The following ADGRL3 variants were observed in gnomAD, a reference collection of about 807,000 sequenced individuals.
The protein encoded by ADGRL3 is calcium-independent alpha-latrotoxin receptor 3.
ADGRL3 carries 62 observed loss-of-function variants against 153.5 expected under a neutral mutation model. The observed-to-expected ratio is 0.40, with a 90% CI of 0.33 to 0.50. ADGRL3 has a LOEUF of 0.50. Among genes scored for constraint, ADGRL3 ranks in the 20% least tolerant of loss-of-function variants. ADGRL3 has a pLI of 0.47. For synonymous variants in ADGRL3, 710 were observed against 672.5 expected (o/e 1.06, Z -0.86); for missense variants, 1,641 against 1,859.4 (o/e 0.88, Z 2.16).
intron 4 of ADGRL3, 31 bp downstream of exon 4, chr4:61,517,549 G>A (rs1362591418): frequency 2.9e-6 from 2 of 698,128 alleles, no homozygotes; most frequent in Non-Finnish European, 5.2e-6. Context: ...AGAGGGCTGG[G>A]GGTGGCTGGG....
intron 21 of ADGRL3, among the ~76,000 whole-genome samples, chr4:62,008,846 T>C (rs1365662752): frequency 6.6e-6 from 1 of 152,050 alleles, no homozygotes; most frequent in African/African-American, 2.4e-5. Flanking sequence ...TGAATGACAA[T>C]CGCATGTATG....
intron 2 of ADGRL3, among the ~76,000 whole-genome samples, chr4:61,464,940 T>C (rs2097861809): frequency 6.6e-6 from 1 of 152,160 alleles, no homozygotes; most frequent in Non-Finnish European, 1.5e-5. Flanking sequence ...TTCTCTTACA[T>C]CCCTACCTTC....
At chr4:61,275,690 C>T (rs1345901462) in intron 1 of ADGRL3, among the ~76,000 whole-genome samples, 1 of 152,132 alleles carries the variant, frequency 6.6e-6, no homozygotes, top group Non-Finnish European at 1.5e-5. Flanking sequence ...TTCTTCTCAA[C>T]CCACTTGACC....
At chr4:61,878,985 C>T (rs965751478) in intron 9 of ADGRL3, among the ~76,000 whole-genome samples, 3 of 152,002 alleles carry the variant, frequency 2.0e-5, no homozygotes, top group African/African-American at 4.8e-5. Context: ...TAATATGTCC[C>T]TTTAAGATTT....
At chr4:61,348,294 T>A (rs1347000881) in intron 1 of ADGRL3, among the ~76,000 whole-genome samples, 1 of 152,038 alleles carries the variant, frequency 6.6e-6, no homozygotes, top group African/African-American at 2.4e-5. Context: ...TATATTGAAA[T>A]AATAAGGAGC....
At chr4:61,655,371 A>T (rs1044665540) in intron 5 of ADGRL3, among the ~76,000 whole-genome samples, 1 of 152,188 alleles carries the variant, frequency 6.6e-6, no homozygotes, top group Admixed American at 6.5e-5. Flanking sequence ...ACATTCAAAA[A>T]GCACTTTAAT....
intron 4 of ADGRL3, among the ~76,000 whole-genome samples, chr4:61,553,224 C>T (rs1015184919): frequency 6.6e-6 from 1 of 152,132 alleles, no homozygotes; most frequent in Non-Finnish European, 1.5e-5. Flanking sequence ...AGCTATTATT[C>T]CTGTATTTTC....
chr4:61,417,406 T>TCACTCTG (rs1560598234), intron 2 of ADGRL3, among the ~76,000 whole-genome samples: 2 of 151,718 alleles, frequency 1.3e-5, no homozygotes, highest in African/African-American at 4.8e-5. Context: ...GGATCACTCT[T>TCACTCTG]GAACCCAGGA....
intron 17 of ADGRL3, among the ~76,000 whole-genome samples, chr4:61,969,834 G>T (rs2099020451): frequency 6.6e-6 from 1 of 152,134 alleles, no homozygotes; most frequent in South Asian, 2.1e-4. Flanking sequence ...ATGGACAATT[G>T]ATGCTTCATC....
intron 8 of ADGRL3, among the ~76,000 whole-genome samples, chr4:61,805,305 T>C (rs1395384698): frequency 1.3e-5 from 2 of 152,192 alleles, no homozygotes; most frequent in Non-Finnish European, 2.9e-5. Flanking sequence ...CTGAATGTTT[T>C]CTGATCTATC....
chr4:61,396,173 C>T lies in ADGRL3; in HGVS notation c.-174+12984C>T, dbSNP rs182475699. Reference sequence around the variant, plus strand: ...CAGATTTCCCGTACATACATGTCATCTAGTACAACATCCTTTTAGCTTTAG... The same window carrying T: ...CAGATTTCCCGTACATACATGTCATTTAGTACAACATCCTTTTAGCTTTAG... On this transcript the variant is annotated intron_variant, in intron 2 of 26. Coordinates refer to ENST00000683033, the MANE Select transcript of ADGRL3 (RefSeq NM_001387552.1). 1.3e-4 allele frequency among the ~76,000 whole-genome samples: 20 copies of T among 151,972 alleles called. No homozygotes were observed. The East Asian group carries it at 3.1e-3, about 23-fold the overall frequency.
intron 4 of ADGRL3, among the ~76,000 whole-genome samples, chr4:61,541,861 A>G (rs973468502): frequency 1.4e-4 from 21 of 151,646 alleles, no homozygotes; most frequent in African/African-American, 4.8e-4. Context: ...ACACACACAC[A>G]CACACACACA....
At chr4:61,343,915 A>G (rs1338919815) in intron 1 of ADGRL3, among the ~76,000 whole-genome samples, 1 of 152,146 alleles carries the variant, frequency 6.6e-6, no homozygotes, top group African/African-American at 2.4e-5. Flanking sequence ...TTCATTTTCA[A>G]TTTTGTGATT....
At chr4:61,744,565 G>A (rs932683248) in intron 8 of ADGRL3, among the ~76,000 whole-genome samples, 50 of 152,302 alleles carry the variant, frequency 3.3e-4, no homozygotes, top group South Asian at 8.3e-4. Context: ...ACAAAAATCC[G>A]CTGTTCTGCA....
At chr4:61,642,914 C>G (rs901532568) in intron 5 of ADGRL3, among the ~76,000 whole-genome samples, 5 of 152,140 alleles carry the variant, frequency 3.3e-5, no homozygotes, top group South Asian at 2.1e-4. Context: ...TTCTTCCTAC[C>G]CATGAGCATG....
chr4:61,895,846 G>C lies in ADGRL3; in HGVS notation c.1887+12G>C. On this transcript the variant is annotated intron_variant, in intron 11 of 26. Transcript: ENST00000683033. ...ATATAACACAGAAGGTAAATCTTGT[G>C]ACTGACAAGAAAGTCTTTGCTAAAA... is the stretch of plus-strand genomic sequence containing the variant. The C allele has an allele frequency of 6.8e-7, 1 of 1,463,308 alleles. No individual in the cohort carries two copies. Among genetic ancestry groups the C allele is most frequent in the Non-Finnish European group, 9.4e-7 (1 of 1,063,700 alleles). The allele number at this position is 1,463,308 out of a possible 1,614,324, so 90.6% of individuals were successfully genotyped here. A position where few individuals can be genotyped will look rare whatever the true frequency, so the allele number is the denominator to read the frequency against.
At chr4:61,463,843 G>C (rs2097850792) in intron 2 of ADGRL3, among the ~76,000 whole-genome samples, 1 of 152,100 alleles carries the variant, frequency 6.6e-6, no homozygotes, top group African/African-American at 2.4e-5. Flanking sequence ...AGATGTGGAT[G>C]GTCATGGATC....
rs139110218 is a variant in ADGRL3 at position 61,963,789 on chromosome 4, G to A, written c.2805+15513G>A. On this transcript the variant is annotated intron_variant, in intron 17 of 26. Transcript: ENST00000683033. Reference sequence around the variant, plus strand: ...GGATCCTCACACTTAAACTATTTAGGTTCTGTTTCATCTTCAGCAAATAAA... The same window carrying A: ...GGATCCTCACACTTAAACTATTTAGATTCTGTTTCATCTTCAGCAAATAAA... Among the ~76,000 whole-genome samples, 179 of 152,158 alleles carry A rather than the reference G, an allele frequency of 1.2e-3. 1 individual carries two copies. The highest frequency in any genetic ancestry group is 4.2e-3 in the African/African-American group (174 of 41,522).
At chr4:61,973,298 G>T (rs2099036127) in intron 17 of ADGRL3, among the ~76,000 whole-genome samples, 1 of 151,740 alleles carries the variant, frequency 6.6e-6, no homozygotes, top group Non-Finnish European at 1.5e-5. Context: ...ATATTTGAGG[G>T]TTTTACATGG....
Sources: allele counts gnomAD v4.1 joint callset (sites outside exome capture counted in the v4.1 genomes callset), GRCh38; gene constraint gnomAD v4.1.1; transcripts MANE v1.5; gene names NCBI Gene and HGNC (gene_info 2026-07-23, HGNC 2026-07-21).